Variants in ITPR1 observed in about 807,000 individuals in gnomAD.
ITPR1 encodes the protein inositol 1,4,5-trisphosphate receptor type 1.
Under a neutral mutation model 318.4 loss-of-function variants are expected in ITPR1, and 96 were observed. The observed-to-expected ratio is 0.30, with a 90% CI of 0.26 to 0.36. ITPR1 has a LOEUF of 0.36. Ranked by LOEUF, ITPR1 falls within the 10% of genes least tolerant of loss-of-function variation. The probability of loss-of-function intolerance (pLI) is 1.00; values close to 1 mark genes in which losing one functional copy is unlikely to be tolerated. For missense variants in ITPR1, 2,440 were observed against 3,460.2 expected (o/e 0.71, Z 7.40); for synonymous variants, 1,312 against 1,289.9 (o/e 1.02, Z -0.37).
chr3:4,810,663 G>A (rs188427017), intron 55 of ITPR1, among the ~76,000 whole-genome samples: 3 of 152,240 alleles, frequency 2.0e-5, no homozygotes, highest in African/African-American at 4.8e-5. Context: ...GTGCGTACGT[G>A]GTTTACTTAT....
intron 40 of ITPR1, among the ~76,000 whole-genome samples, chr3:4,718,190 A>G (rs2041909224): frequency 6.6e-6 from 1 of 152,238 alleles, no homozygotes. Context: ...CATGCTAGGT[A>G]AATGCTACCA....
At chr3:4,741,338 G>A (rs2043687838) in intron 44 of ITPR1, among the ~76,000 whole-genome samples, 1 of 152,182 alleles carries the variant, frequency 6.6e-6, no homozygotes, top group East Asian at 1.9e-4. Flanking sequence ...TCTGGTTTCA[G>A]AAGCACTGGG....
chr3:4,553,296 C>CTGACCTGACCAA (rs1445643229), intron 4 of ITPR1, among the ~76,000 whole-genome samples: 23 of 152,298 alleles, frequency 1.5e-4, no homozygotes, highest in African/African-American at 5.3e-4. Flanking sequence ...ACCAAAGACA[C>CTGACCTGACCAA]AGATGGGCAG....
intron 53 of ITPR1, 140 bp from the exon 54 acceptor site, chr3:4,800,285 G>T: frequency 1.4e-6 from 1 of 727,294 alleles, no homozygotes. Flanking sequence ...TTATGGATGG[G>T]GCAGAGAATT....
chr3:4,567,575 C>T (rs1011607172), intron 4 of ITPR1, among the ~76,000 whole-genome samples: 1 of 151,254 alleles, frequency 6.6e-6, no homozygotes, highest in South Asian at 2.1e-4. Flanking sequence ...TCATGGAGGG[C>T]TTTATAGGGG....
In ITPR1 at chr3:4,847,395, CA is replaced by C. The variant is rs3079679; in HGVS notation, c.*1184del. 0.049 allele frequency: 6,562 copies of C among 135,116 alleles called. 355 individuals are homozygous for C. Among genetic ancestry groups the C allele is most frequent in the South Asian group, 0.18 (795 of 4,326 alleles). The allele number at this position is 135,116 out of a possible 1,614,324, so 8.4% of individuals were successfully genotyped here. A position where few individuals can be genotyped will look rare whatever the true frequency, so the allele number is the denominator to read the frequency against. ...CTCATTTTACAAGAGAATCTCTCTG[CA>C]AAAAAAAAAAAAACAGTTTAAAAAT... On this transcript the variant is annotated 3_prime_UTR_variant, in exon 62 of 62. Transcript: ENST00000649015.
chr3:4,803,006 G>A (rs1210525307), intron 54 of ITPR1, among the ~76,000 whole-genome samples: 1 of 152,152 alleles, frequency 6.6e-6, no homozygotes, highest in African/African-American at 2.4e-5. Context: ...AAGAAAAGAG[G>A]TTTAATTGGC....
chr3:4,558,651 G>A (rs964504933), intron 4 of ITPR1, among the ~76,000 whole-genome samples: 3 of 152,074 alleles, frequency 2.0e-5, no homozygotes, highest in Non-Finnish European at 4.4e-5. Flanking sequence ...TTTTTAAAAG[G>A]AAAATAATGA....
At chr3:4,536,541 C>A (rs1182147928) in intron 4 of ITPR1, among the ~76,000 whole-genome samples, 1 of 152,160 alleles carries the variant, frequency 6.6e-6, no homozygotes, top group Non-Finnish European at 1.5e-5. Flanking sequence ...GCTCCCTGCC[C>A]TTAAGGAATT....
intron 46 of ITPR1, among the ~76,000 whole-genome samples, chr3:4,773,973 A>T: frequency 6.6e-6 from 1 of 152,234 alleles, no homozygotes; most frequent in South Asian, 2.1e-4. Context: ...AAATGTTTTA[A>T]TTATACAAGG....
chr3:4,501,219 G>A lies in ITPR1; in HGVS notation c.-17+6713G>A, dbSNP rs149740954. On this transcript the variant is annotated intron_variant, in intron 2 of 61. Coordinates refer to ENST00000649015, the MANE Select transcript of ITPR1 (RefSeq NM_001378452.1). ...AATAGAAAACATGGAAGTGTATTTC[G>A]TGGATACTTAAAAAGAACTGTGTAT... Among the ~76,000 whole-genome samples, 27 of 151,556 alleles carry A rather than the reference G, an allele frequency of 1.8e-4. 1 individual carries two copies. In the East Asian group the frequency reaches 1.9e-3, roughly 11 times the overall value.
chr3:4,768,520 C>T lies in ITPR1; in HGVS notation c.5735C>T (p.Pro1912Leu), dbSNP rs770924176. 7.5e-6 allele frequency: 12 copies of T among 1,608,862 alleles called. No individual in the cohort carries two copies. The highest frequency in any genetic ancestry group is 1.3e-5 in the African/African-American group (1 of 74,744). Reference protein sequence around the residue: ...DAPSRKKAKEPTTQITEEVRD... With the variant: ...DAPSRKKAKELTTQITEEVRD... ...TATGCTTGCTTTCTAGCTAAAGAGC[C>T]CACAACACAGATAACAGAAGAGGTC... The change falls in exon 46 of 62, where the codon CCC (proline) becomes CTC (leucine). Residue 1912 changes from proline (P) to leucine (L), a missense_variant. Pro to Leu is a moderately conservative substitution (Grantham distance 98). Coordinates refer to ENST00000649015, the MANE Select transcript of ITPR1 (RefSeq NM_001378452.1).
chr3:4,550,180 A>G (rs896898399), intron 4 of ITPR1, among the ~76,000 whole-genome samples: 1 of 152,106 alleles, frequency 6.6e-6, no homozygotes, highest in Non-Finnish European at 1.5e-5. Context: ...ATTTCTGGCT[A>G]TTAAAAGTTC....
At chr3:4,645,780 A>G (rs768519618) in intron 10 of ITPR1, 52 bp downstream of exon 10, 2 of 1,428,526 alleles carry the variant, frequency 1.4e-6, no homozygotes, top group Admixed American at 2.2e-5. Flanking sequence ...ATCAGCCTGT[A>G]TATAGGCTCT....
rs563285864 is a variant in ITPR1 at position 4,826,762 on chromosome 3, G to A, written c.8028+8520G>A. Among the ~76,000 whole-genome samples, 4 of 152,172 alleles carry A rather than the reference G, an allele frequency of 2.6e-5. No homozygotes were observed. Among genetic ancestry groups the A allele is most frequent in the African/African-American group, 4.8e-5 (2 of 41,444 alleles). On this transcript the variant is annotated intron_variant, in intron 60 of 61. Transcript: ENST00000649015. This position sits in a 1 kb window ranked among gnomAD's most constrained non-coding sequence, Gnocchi z 4.2. ...GTGAGGCACTTGGCGTTTGGGCCCCGGTTCTGCACTGACCTCCCAGTGCTC... is the reference window on the plus strand; with the variant it reads ...GTGAGGCACTTGGCGTTTGGGCCCCAGTTCTGCACTGACCTCCCAGTGCTC...
intron 16 of ITPR1, 21 bp from the exon 17 acceptor site, chr3:4,665,117 G>A: frequency 6.2e-7 from 1 of 1,613,704 alleles, no homozygotes; most frequent in South Asian, 1.1e-5. Context: ...TGCCATTTTT[G>A]CTTTTCATTT....
At chr3:4,841,007 T>G (rs1201891895) in intron 61 of ITPR1, among the ~76,000 whole-genome samples, 4 of 152,202 alleles carry the variant, frequency 2.6e-5, no homozygotes, top group Non-Finnish European at 5.9e-5. Flanking sequence ...TACAAGAGGG[T>G]TATCTTGCTA....
chr3:4,814,776 T>C, intron 58 of ITPR1: 2 of 616,078 alleles, frequency 3.2e-6, no homozygotes, highest in East Asian at 5.5e-5. Flanking sequence ...TGGCTTTGGC[T>C]CTCTGTTCAG....
At chr3:4,699,994 G>A (rs1001312279) in intron 35 of ITPR1, 53 bp downstream of exon 35, 2 of 1,557,512 alleles carry the variant, frequency 1.3e-6, no homozygotes, top group African/African-American at 1.4e-5. Context: ...TTCTGCAGTT[G>A]GGCTTGATGT....
Sources: gnomAD v4.1 joint callset for allele counts (sites outside exome capture counted in the v4.1 genomes callset) on GRCh38, gnomAD v4.1.1 for gene constraint, Gnocchi (gnomAD v3.1) non-coding constraint, MANE v1.5 for transcripts, NCBI Gene and HGNC (gene_info 2026-07-23, HGNC 2026-07-21) for gene names.